Variants in MORN1 observed in about 807,000 individuals in gnomAD.
MORN1 encodes MORN repeat-containing protein 1.
Under a neutral mutation model 61.9 loss-of-function variants are expected in MORN1, and 67 were observed. That is an observed-to-expected ratio of 1.08 (90% CI 0.89 to 1.33). The LOEUF (loss-of-function observed/expected upper bound fraction) is 1.33, where lower values mean the gene tolerates loss of function less well. MORN1 is among the 40% of genes most tolerant of loss of function. The pLI is 0.00. For synonymous variants in MORN1, 301 were observed against 292.0 expected (o/e 1.03, Z -0.31); for missense variants, 752 against 691.2 (o/e 1.09, Z -0.99).
intron 5 of MORN1, chr1:2,385,291 C>T (rs940043678): frequency 1.5e-4 from 87 of 578,358 alleles, no homozygotes; most frequent in Non-Finnish European, 2.4e-4. Context: ...TAGGCCTGCT[C>T]GGGACGCACT....
chr1:2,370,598 G>T lies in MORN1; in HGVS notation c.745+1883C>A, dbSNP rs184125792. 5.3e-5 allele frequency among the ~76,000 whole-genome samples: 8 copies of T among 152,142 alleles called. No homozygotes were observed. The East Asian group carries it at 1.5e-3, about 29-fold the overall frequency. On this transcript the variant is annotated intron_variant, in intron 8 of 13. Coordinates refer to ENST00000378531, the MANE Select transcript of MORN1 (RefSeq NM_024848.3). The stretch of plus-strand genomic sequence containing the variant: ...CATTTGCAAAGACATATCTGATAAA[G>T]GACTTATATCCGCAATAGGTAAAGA...
At chr1:2,336,912 C>T in intron 10 of MORN1, 62 bp from the exon 11 acceptor site, 3 of 1,460,546 alleles carry the variant, frequency 2.1e-6, no homozygotes, top group Non-Finnish European at 2.7e-6. Flanking sequence ...GAGGGAGCCC[C>T]ACAGGGCTGT....
intron 8 of MORN1, among the ~76,000 whole-genome samples, chr1:2,359,649 G>A (rs191635639): frequency 3.9e-5 from 6 of 152,160 alleles, no homozygotes; most frequent in African/African-American, 1.2e-4. Flanking sequence ...TTGGGAGGCC[G>A]AGGCGGGTGG....
rs369688994 is a variant in MORN1, at chr1:2,385,789, C to T, written c.449+18G>A. ...TATCTGTCATGCGCCAGGCAGTACC[C>T]ACAAGACTCATACTCACTGAAAGAG... On this transcript the variant is annotated intron_variant, in intron 5 of 13. Transcript: ENST00000378531. 6.2e-7 allele frequency: 1 copy of T among 1,610,598 alleles called. No homozygotes were observed. Among genetic ancestry groups the T allele is most frequent in the South Asian group, 1.1e-5 (1 of 91,030 alleles).
At chr1:2,389,237 TG>T (rs907354219) in intron 2 of MORN1, among the ~76,000 whole-genome samples, 65 of 151,566 alleles carry the variant, frequency 4.3e-4, no homozygotes, top group Non-Finnish European at 8.0e-4. Context: ...CTGGGGTTGG[TG>T]GGGGTACAGG....
At chr1:2,381,281 C>T (rs369516237) in intron 6 of MORN1, among the ~76,000 whole-genome samples, 7 of 152,248 alleles carry the variant, frequency 4.6e-5, no homozygotes, top group East Asian at 3.8e-4. Context: ...TGGCCTCGGG[C>T]GCCCTTCTCA....
rs756065523 is a variant in MORN1, at chr1:2,321,553, C to G, written c.1324G>C (p.Val442Leu). The G allele has an allele frequency of 1.3e-6, 2 of 1,519,030 alleles. No homozygotes were observed. Among genetic ancestry groups the G allele is most frequent in the Non-Finnish European group, 1.8e-6 (2 of 1,131,096 alleles). 94.1% of individuals were successfully genotyped at this position (1,519,030 alleles called of 1,614,324 possible). The part of the protein sequence containing the change: ...LGEYVLMIRD[V>L]TTPPFLGRRL... Reference sequence around the variant, plus strand: ...CGCCCCAGGAACGGCGGGGTGGTCACGTCGCGGATCATGAGCACGTACTCC... The same window carrying G: ...CGCCCCAGGAACGGCGGGGTGGTCAGGTCGCGGATCATGAGCACGTACTCC... Residue 442 changes from valine (V) to leucine (L), a missense_variant, in exon 14 of 14, where the codon GTG becomes CTG. Transcript: ENST00000378531.
chr1:2,366,956 CAAAATACATAGA>C (rs148848309), intron 8 of MORN1, among the ~76,000 whole-genome samples: 55,438 of 150,950 alleles, frequency 0.37, 10,374 homozygotes, highest in East Asian at 0.46. Context: ...ATAATATCAA[CAAAATACATAGA>C]AAAATACATA....
At chr1:2,385,181 G>A (rs758333049) in intron 5 of MORN1, 116 bp from the exon 6 acceptor site, 2 of 1,064,588 alleles carry the variant, frequency 1.9e-6, no homozygotes, top group Non-Finnish European at 2.7e-6. Flanking sequence ...GGCAAAAATA[G>A]GCCCGAGCAG....
At chr1:2,350,386 G>A (rs1438986509) in intron 10 of MORN1, 4 of 152,180 alleles carry the variant, frequency 2.6e-5, no homozygotes, top group Non-Finnish European at 4.4e-5. Flanking sequence ...ATGTATCACT[G>A]ACATTAGGCC....
intron 8 of MORN1, among the ~76,000 whole-genome samples, chr1:2,365,205 C>T (rs1185787390): frequency 2.0e-5 from 3 of 148,250 alleles, no homozygotes; most frequent in Admixed American, 6.8e-5. Context: ...ATGGAATGTT[C>T]TTCCATTTGT....
chr1:2,340,879 G>A (rs1311340099), intron 10 of MORN1, among the ~76,000 whole-genome samples: 1 of 152,210 alleles, frequency 6.6e-6, no homozygotes, highest in African/African-American at 2.4e-5. Context: ...CACGACCTGT[G>A]GCCGCCACAC....
At chr1:2,364,489 A>T (rs1360504486) in intron 8 of MORN1, among the ~76,000 whole-genome samples, 2 of 128,564 alleles carry the variant, frequency 1.6e-5, no homozygotes, top group Non-Finnish European at 3.3e-5. Context: ...GGTTGCAAAA[A>T]TTTTCTCCCA....
At chr1:2,344,773 C>CT (rs1426655895) in intron 10 of MORN1, among the ~76,000 whole-genome samples, 3 of 152,242 alleles carry the variant, frequency 2.0e-5, no homozygotes, top group Admixed American at 2.0e-4. Flanking sequence ...CCTGCAGAGC[C>CT]TGGGGGCAGG....
At chr1:2,330,101 C>A (rs557073872) in intron 12 of MORN1, among the ~76,000 whole-genome samples, 29 of 152,358 alleles carry the variant, frequency 1.9e-4, no homozygotes, top group African/African-American at 4.8e-4. Context: ...AATCTGCACC[C>A]CTCGGCTGAG....
At chr1:2,325,140 C>CTCCCTTCCT (rs1553205809) in intron 12 of MORN1, among the ~76,000 whole-genome samples, 7 of 6,690 alleles carry the variant, frequency 1.0e-3, no homozygotes, top group African/African-American at 1.8e-3. Flanking sequence ...CCTTCCCTCC[C>CTCCCTTCCT]TCCCTCCCTT....
chr1:2,370,803 C>T (rs749971655), intron 8 of MORN1, among the ~76,000 whole-genome samples: 6 of 151,680 alleles, frequency 4.0e-5, no homozygotes, highest in East Asian at 1.9e-4. Context: ...TTCAGCCTTC[C>T]GAGTAGCTGG....
chr1:2,324,491 G>A (rs914288991), intron 12 of MORN1, among the ~76,000 whole-genome samples: 3 of 152,228 alleles, frequency 2.0e-5, no homozygotes, highest in Non-Finnish European at 2.9e-5. Context: ...GATCCCGGAG[G>A]GCGGGAAAGA....
chr1:2,323,979 A>G (rs1294411804), intron 13 of MORN1, 118 bp downstream of exon 13: 4 of 1,382,256 alleles, frequency 2.9e-6, no homozygotes, highest in Non-Finnish European at 3.8e-6. Context: ...ACCCACTGCC[A>G]CCTACCTCTG....
Sources: gnomAD v4.1 joint callset for allele counts (sites outside exome capture counted in the v4.1 genomes callset) on GRCh38, gnomAD v4.1.1 for gene constraint, MANE v1.5 for transcripts, NCBI Gene and HGNC (gene_info 2026-07-23, HGNC 2026-07-21) for gene names.